Variants in LEMD1 observed in about 807,000 individuals in gnomAD.
LEMD1 encodes the protein LEM domain-containing protein 1.
In LEMD1, 18 loss-of-function variants were observed where a neutral mutation model predicts 17.4. The observed-to-expected ratio is 1.04, with a 90% CI of 0.72 to 1.54. The LOEUF (loss-of-function observed/expected upper bound fraction) is 1.54. LEMD1 is among the 40% of genes most tolerant of loss of function. LEMD1 has a pLI of 0.00. For missense variants in LEMD1, 195 were observed against 210.4 expected (o/e 0.93, Z 0.45); for synonymous variants, 88 against 77.8 (o/e 1.13, Z -0.69).
rs3973968 is a variant in LEMD1 at position 205,427,484 on chromosome 1, T to TGAGAGAGA, written c.-38-6918_-38-6911dup. ...ATCTGCTTTTTCTCAAAAGAACATT[T>TGAGAGAGA]GAGAGAGAGAGAGAGAGAGAGAGAC... is the stretch of plus-strand genomic sequence containing the variant. On this transcript the variant is annotated intron_variant, in intron 1 of 3. Coordinates refer to the LEMD1 transcript ENST00000367154. 1.4e-3 allele frequency among the ~76,000 whole-genome samples: 209 copies of TGAGAGAGA among 147,344 alleles called. 1 individual carries two copies. Among genetic ancestry groups the TGAGAGAGA allele is most frequent in the Middle Eastern group, 6.8e-3 (2 of 292 alleles).
intron 4 of LEMD1, among the ~76,000 whole-genome samples, chr1:205,393,111 T>C (rs1164861561): frequency 1.3e-5 from 2 of 152,002 alleles, no homozygotes; most frequent in South Asian, 2.1e-4. Context: ...ACATCATATA[T>C]CTGGGGTCTA....
rs574890870 is a variant in LEMD1 at position 205,428,596 on chromosome 1, T to C, written c.-38-8022A>G. 5.9e-5 allele frequency among the ~76,000 whole-genome samples: 9 copies of C among 152,146 alleles called. No homozygotes were observed. In the South Asian group the frequency reaches 1.9e-3, roughly 32 times the overall value. On this transcript the variant is annotated intron_variant, in intron 1 of 3. Coordinates refer to the LEMD1 transcript ENST00000367154. The stretch of plus-strand genomic sequence containing the variant: ...AGAATGTGATAATGAGACAGACTGA[T>C]GTGACAGGGAAAGGCTTGGGAGGAA...
chr1:205,438,880 G>T (rs552048676), intron 1 of LEMD1, among the ~76,000 whole-genome samples: 6 of 152,310 alleles, frequency 3.9e-5, no homozygotes, highest in Non-Finnish European at 7.4e-5. Flanking sequence ...TGCAATCCCT[G>T]CCAAGGCCTG....
chr1:205,391,253 A>T (rs1664317692), intron 4 of LEMD1, among the ~76,000 whole-genome samples: 2 of 152,286 alleles, frequency 1.3e-5, no homozygotes, highest in South Asian at 4.1e-4. Context: ...ATCCCCCTGG[A>T]CATTATACCT....
chr1:205,411,211 AAAG>A (rs1206403272), intron 4 of LEMD1, among the ~76,000 whole-genome samples: 1 of 147,144 alleles, frequency 6.8e-6, no homozygotes, highest in African/African-American at 2.5e-5. Context: ...AGGAAGAAAG[AAAG>A]AAAGGAAGGA....
At chr1:205,407,739 G>A (rs1402760913) in intron 4 of LEMD1, among the ~76,000 whole-genome samples, 1 of 152,204 alleles carries the variant, frequency 6.6e-6, no homozygotes, top group Non-Finnish European at 1.5e-5. Context: ...TCAGTTAGAA[G>A]TATGGGAGAC....
intron 4 of LEMD1, among the ~76,000 whole-genome samples, chr1:205,414,305 G>A (rs539608703): frequency 1.8e-4 from 28 of 152,152 alleles, no homozygotes; most frequent in East Asian, 5.8e-4. Context: ...TATGGAGGCC[G>A]GGCAAGGTGG....
At chr1:205,393,033 C>T (rs368567385) in intron 4 of LEMD1, among the ~76,000 whole-genome samples, 7 of 152,076 alleles carry the variant, frequency 4.6e-5, no homozygotes, top group South Asian at 2.1e-4. Flanking sequence ...TGCTTGAGCC[C>T]AGGAGTTTGA....
At chr1:205,445,116 G>T (rs926168765) in intron 1 of LEMD1, among the ~76,000 whole-genome samples, 1 of 152,146 alleles carries the variant, frequency 6.6e-6, no homozygotes, top group South Asian at 2.1e-4. Flanking sequence ...TAGCTCGGGC[G>T]GTGGAGCAGA....
At chr1:205,391,138 T>C (rs994091922) in intron 4 of LEMD1, among the ~76,000 whole-genome samples, 1 of 151,954 alleles carries the variant, frequency 6.6e-6, no homozygotes, top group Non-Finnish European at 1.5e-5. Context: ...TGACAAGAAC[T>C]AACATTGCAG....
chr1:205,445,118 TG>T (rs1438504336), intron 1 of LEMD1, among the ~76,000 whole-genome samples: 3 of 152,028 alleles, frequency 2.0e-5, no homozygotes, highest in East Asian at 3.9e-4. Context: ...GCTCGGGCGG[TG>T]GAGCAGACAC....
chr1:205,411,109 A>G (rs1455795970), intron 4 of LEMD1, among the ~76,000 whole-genome samples: 1 of 148,384 alleles, frequency 6.7e-6, no homozygotes, highest in Admixed American at 6.7e-5. Flanking sequence ...AAAAGAAAGA[A>G]AGGAAGGAGG....
chr1:205,430,276 G>C (rs1436239023), intron 1 of LEMD1, among the ~76,000 whole-genome samples: 2 of 152,202 alleles, frequency 1.3e-5, no homozygotes, highest in Non-Finnish European at 2.9e-5. Flanking sequence ...GAAGCCCCCA[G>C]CTCCTTCCCT....
At chr1:205,410,672 G>A (rs1388569771) in intron 4 of LEMD1, among the ~76,000 whole-genome samples, 6 of 152,124 alleles carry the variant, frequency 3.9e-5, no homozygotes, top group South Asian at 4.2e-4. Flanking sequence ...TACAGCCTGC[G>A]GCAAAAACTC....
chr1:205,411,852 T>C (rs1240371096), intron 4 of LEMD1, among the ~76,000 whole-genome samples: 5 of 152,010 alleles, frequency 3.3e-5, no homozygotes, highest in Non-Finnish European at 7.4e-5. Context: ...GGGACGAGCA[T>C]GTTGTGCTTG....
At chr1:205,413,940 T>C (rs550363960) in intron 4 of LEMD1, among the ~76,000 whole-genome samples, 60 of 152,118 alleles carry the variant, frequency 3.9e-4, no homozygotes, top group African/African-American at 1.2e-3. Flanking sequence ...GAAGTGGCCA[T>C]TGAGATATTC....
intron 4 of LEMD1, among the ~76,000 whole-genome samples, chr1:205,406,870 T>C (rs1192910750): frequency 1.3e-5 from 2 of 152,178 alleles, no homozygotes; most frequent in Non-Finnish European, 2.9e-5. Context: ...CCAATATTTT[T>C]GTCTTATTCC....
At chr1:205,390,256 G>A (rs1664268618) in intron 4 of LEMD1, among the ~76,000 whole-genome samples, 1 of 152,018 alleles carries the variant, frequency 6.6e-6, no homozygotes, top group Admixed American at 6.6e-5. Context: ...TTGGGAGGCT[G>A]GGGCAGGAGA....
chr1:205,419,256 C>T lies in LEMD1; in HGVS notation c.179G>A (p.Gly60Glu), dbSNP rs35101083. Reference sequence around the variant, plus strand: ...TTCGCTGTCATCACTGTCCTGCGCTCCATCCAGCTCTCTGGGTCCATTCAT... The same window carrying T: ...TTCGCTGTCATCACTGTCCTGCGCTTCATCCAGCTCTCTGGGTCCATTCAT... ...PVMNGPRELD[G>E]AQDSDDSEEL... Residue 60 changes from glycine (G) to glutamate (E), a missense_variant, in exon 3 of 6, where the codon GGA becomes GAA. Gly to Glu is a moderately conservative substitution (Grantham distance 98). Coordinates refer to ENST00000367153, the MANE Select transcript of LEMD1 (RefSeq NM_001199050.2). 1.1e-5 allele frequency: 18 copies of T among 1,614,228 alleles called. No individual in the cohort carries two copies. In the African/African-American group the frequency reaches 2.4e-4, roughly 22 times the overall value.
Sources: gnomAD v4.1 joint callset for allele counts (sites outside exome capture counted in the v4.1 genomes callset) on GRCh38, gnomAD v4.1.1 for gene constraint, MANE v1.5 for transcripts, NCBI Gene and HGNC (gene_info 2026-07-23, HGNC 2026-07-21) for gene names.